FOXN3: variants seen among roughly 807,000 people sequenced by gnomAD.
The protein encoded by FOXN3 is forkhead box protein N3.
In FOXN3, 7 loss-of-function variants were observed where a neutral mutation model predicts 38.4. The observed-to-expected ratio is 0.18, with a 90% CI of 0.10 to 0.34. The LOEUF is 0.34. Ranked by LOEUF, FOXN3 falls within the 10% of genes least tolerant of loss-of-function variation. FOXN3 has a pLI of 1.00. For missense variants in FOXN3, 456 were observed against 613.4 expected (o/e 0.74, Z 2.71); for synonymous variants, 230 against 242.2 (o/e 0.95, Z 0.47).
chr14:89,259,938 A>G (rs1885743313), intron 4 of FOXN3, among the ~76,000 whole-genome samples: 1 of 152,230 alleles, frequency 6.6e-6, no homozygotes, highest in Admixed American at 6.5e-5. Flanking sequence ...TCAGTTCTGA[A>G]TCTACTCTCA....
At chr14:89,517,436 G>A (rs1596305308) in intron 1 of FOXN3, among the ~76,000 whole-genome samples, 1 of 151,778 alleles carries the variant, frequency 6.6e-6, no homozygotes, top group African/African-American at 2.4e-5. Context: ...CTTCTGAGAA[G>A]GCCTCAGGAA....
At chr14:89,589,469 T>C (rs1457137780) in intron 1 of FOXN3, among the ~76,000 whole-genome samples, 1 of 152,182 alleles carries the variant, frequency 6.6e-6, no homozygotes, top group Non-Finnish European at 1.5e-5. Flanking sequence ...GTGGTAGTCC[T>C]CACAATTTGA....
intron 2 of FOXN3, among the ~76,000 whole-genome samples, chr14:89,410,107 A>ACC (rs369426829): frequency 3.3e-4 from 32 of 95,542 alleles, no homozygotes; most frequent in African/African-American, 1.1e-3. Flanking sequence ...CCGCGTCCCC[A>ACC]CCCCCCATCT....
intron 2 of FOXN3, among the ~76,000 whole-genome samples, chr14:89,359,841 A>G (rs1030773988): frequency 2.0e-5 from 3 of 152,194 alleles, no homozygotes; most frequent in Non-Finnish European, 2.9e-5. Context: ...GCAGAGGTGG[A>G]TAAGAGAAGG....
At chr14:89,266,241 T>C (rs1347244317) in intron 4 of FOXN3, among the ~76,000 whole-genome samples, 1 of 152,196 alleles carries the variant, frequency 6.6e-6, no homozygotes, top group Admixed American at 6.5e-5. Context: ...GTGGCACGTT[T>C]GGGTTCTCCT....
chr14:89,245,194 A>G (rs752999274), intron 4 of FOXN3, among the ~76,000 whole-genome samples: 15 of 152,202 alleles, frequency 9.9e-5, no homozygotes, highest in Admixed American at 2.0e-4. Context: ...CAAAGGAAAA[A>G]TCGAGTATGA....
At chr14:89,434,536 G>A (rs1480655316) in intron 1 of FOXN3, among the ~76,000 whole-genome samples, 1 of 151,988 alleles carries the variant, frequency 6.6e-6, no homozygotes, top group Non-Finnish European at 1.5e-5. Flanking sequence ...GGCCTTATCA[G>A]AATCTTAAAA....
rs537812540 is a variant in FOXN3 at position 89,248,509 on chromosome 14, C to T, written c.745+32441G>A. 3.3e-5 allele frequency among the ~76,000 whole-genome samples: 5 copies of T among 152,312 alleles called. No homozygotes were observed. In the East Asian group the frequency reaches 9.6e-4, roughly 29 times the overall value. Reference sequence around the variant, plus strand: ...CTTTAAGCTGACATGGGCCAGAGACCCTGAAAATGTAAAAGCTGCTGTATT... The same window carrying T: ...CTTTAAGCTGACATGGGCCAGAGACTCTGAAAATGTAAAAGCTGCTGTATT... On this transcript the variant is annotated intron_variant, in intron 4 of 5. Transcript: ENST00000557258.
intron 4 of FOXN3, among the ~76,000 whole-genome samples, chr14:89,208,525 T>C (rs1026334207): frequency 6.6e-6 from 1 of 152,212 alleles, no homozygotes; most frequent in Non-Finnish European, 1.5e-5. Context: ...TTTTCCACTT[T>C]AGTATTTTGT....
chr14:89,324,482 GTGTA>G (rs1432738557), intron 3 of FOXN3, among the ~76,000 whole-genome samples: 18 of 144,074 alleles, frequency 1.2e-4, no homozygotes, highest in African/African-American at 2.1e-4. Context: ...GTGTGTGTGT[GTGTA>G]TGTACCCACA....
intron 1 of FOXN3, among the ~76,000 whole-genome samples, chr14:89,513,609 T>A (rs1894141178): frequency 6.6e-6 from 1 of 152,036 alleles, no homozygotes. Context: ...TTATTTATTT[T>A]TTGAGACGGA....
upstream of FOXN3, chr14:89,417,592 T>G (rs1445189493): frequency 7.7e-6 from 3 of 391,824 alleles, no homozygotes; most frequent in Non-Finnish European, 1.6e-5. Context: ...GGGCCGGCGC[T>G]GCGCTGCTGG....
chr14:89,330,008 C>T (rs1888201338), intron 3 of FOXN3, among the ~76,000 whole-genome samples: 2 of 152,082 alleles, frequency 1.3e-5, no homozygotes, highest in Admixed American at 1.3e-4. Flanking sequence ...GCCATCCCTG[C>T]TCCCCCGCCA....
chr14:89,458,701 G>A (rs1892777643), intron 1 of FOXN3, among the ~76,000 whole-genome samples: 3 of 152,140 alleles, frequency 2.0e-5, no homozygotes, highest in Non-Finnish European at 2.9e-5. Flanking sequence ...TCTCAACACT[G>A]CAGGCTATTT....
intron 3 of FOXN3, among the ~76,000 whole-genome samples, chr14:89,344,041 C>T (rs943751160): frequency 2.6e-5 from 4 of 152,116 alleles, no homozygotes; most frequent in East Asian, 1.9e-4. Flanking sequence ...GGATTACAGG[C>T]GTGAGCCACC....
chr14:89,482,356 C>T (rs115090846), intron 1 of FOXN3, among the ~76,000 whole-genome samples: 2,263 of 152,310 alleles, frequency 0.015, 53 homozygotes, highest in African/African-American at 0.053. Flanking sequence ...CACATTGGCT[C>T]ACACCTGTAA....
At chr14:89,347,599 G>A (rs1400094791) in intron 3 of FOXN3, among the ~76,000 whole-genome samples, 1 of 152,206 alleles carries the variant, frequency 6.6e-6, no homozygotes, top group East Asian at 1.9e-4. Context: ...TCACAAATTT[G>A]GTATCAACAA....
intron 2 of FOXN3, among the ~76,000 whole-genome samples, chr14:89,375,768 A>C (rs919220918): frequency 6.6e-6 from 1 of 151,944 alleles, no homozygotes; most frequent in Non-Finnish European, 1.5e-5. Context: ...GGTTTATCTT[A>C]TTTTATTTTA....
At chr14:89,522,510 G>A (rs966095896) in intron 1 of FOXN3, among the ~76,000 whole-genome samples, 45 of 151,924 alleles carry the variant, frequency 3.0e-4, no homozygotes, top group African/African-American at 1.0e-3. Context: ...AAACAAAATC[G>A]GCTATTTAAA....
Sources: gnomAD v4.1 joint callset for allele counts (sites outside exome capture counted in the v4.1 genomes callset) on GRCh38, gnomAD v4.1.1 for gene constraint, MANE v1.5 for transcripts, NCBI Gene and HGNC (gene_info 2026-07-23, HGNC 2026-07-21) for gene names.